The following SCEL variants were observed in gnomAD, a reference collection of about 807,000 sequenced individuals.
The protein encoded by SCEL is sciellin.
In SCEL, 113 loss-of-function variants were observed where a neutral mutation model predicts 117.6. The observed-to-expected ratio is 0.96, with a 90% CI of 0.83 to 1.12. SCEL has a LOEUF of 1.12. Ranked by LOEUF, SCEL falls within the 50% of genes most tolerant of loss-of-function variation. SCEL has a pLI of 0.00. For missense variants in SCEL, 785 were observed against 810.8 expected, an observed-to-expected ratio of 0.97 and a Z score of 0.39; for synonymous variants, 270 against 256.2, an observed-to-expected ratio of 1.05 and a Z score of -0.51.
rs534020787 is a variant in SCEL at position 77,640,303 on chromosome 13, G to A, written c.1839-373G>A. Among the ~76,000 whole-genome samples the A allele has an allele frequency of 3.8e-4, 58 of 152,072 alleles. 1 individual carries two copies. In the East Asian group the frequency reaches 4.4e-3, roughly 12 times the overall value. ...TATTAATCTGCAGCATAATTTTTCC[G>A]TGTAATCTGTAACATGATATATGTA... On this transcript the variant is annotated intron_variant, in intron 30 of 32. Transcript: ENST00000349847.
chr13:77,592,562 CT>C (rs10693960), intron 11 of SCEL, among the ~76,000 whole-genome samples: 16,280 of 133,050 alleles, frequency 0.12, 668 homozygotes, highest in Non-Finnish European at 0.15. Flanking sequence ...CTTCTTCTTC[CT>C]TTTTTTTTTT....
chr13:77,609,971 T>C (rs2088516915), intron 21 of SCEL, 76 bp from the exon 22 acceptor site: 4 of 809,620 alleles, frequency 4.9e-6, no homozygotes, highest in East Asian at 3.1e-5. Context: ...ATAATAAAAG[T>C]ATTTCTCTGT....
intron 27 of SCEL, 48 bp downstream of exon 27, chr13:77,618,108 G>A: frequency 2.1e-6 from 3 of 1,435,180 alleles, no homozygotes; most frequent in Non-Finnish European, 2.9e-6. Flanking sequence ...TCTAGGGTAG[G>A]AACTTCTCCC....
intron 28 of SCEL, among the ~76,000 whole-genome samples, 161 bp downstream of exon 28, chr13:77,628,170 G>GTATATATATATATA (rs67297453): frequency 1.4e-5 from 2 of 139,740 alleles, no homozygotes; most frequent in African/African-American, 5.3e-5. Flanking sequence ...ATATGTGTGT[G>GTATATATATATATA]TATATATATA....
chr13:77,598,429 T>C (rs1296007960), intron 13 of SCEL, among the ~76,000 whole-genome samples: 21 of 152,190 alleles, frequency 1.4e-4, no homozygotes, highest in Non-Finnish European at 1.0e-4. Context: ...AATCTGCTGC[T>C]CTTCAGTTTC....
chr13:77,571,098 G>A (rs1011268279), intron 8 of SCEL, among the ~76,000 whole-genome samples: 3 of 151,310 alleles, frequency 2.0e-5, no homozygotes, highest in African/African-American at 7.3e-5. Flanking sequence ...CCAAAGTGCT[G>A]GGATTACAGG....
chr13:77,568,296 A>G lies in SCEL; in HGVS notation c.361A>G (p.Ser121Gly), dbSNP rs201082386. 27 of 1,562,776 alleles carry G rather than the reference A, an allele frequency of 1.7e-5. No individual in the cohort carries two copies. The highest frequency in any genetic ancestry group is 1.7e-4 in the Middle Eastern group (1 of 5,776). Reference sequence around the variant, plus strand: ...TTTGCTTTCTTTCTCTCTTACCAGGAGCATGTCCATGTTTAGATCACTGGA... The same window carrying G: ...TTTGCTTTCTTTCTCTCTTACCAGGGGCATGTCCATGTTTAGATCACTGGA... ...NTLDNQLTNR[S>G]MSMFRSLEVT... The change falls in exon 7 of 33, where the codon AGC (serine) becomes GGC (glycine). Residue 121 changes from serine (S) to glycine (G), a missense_variant and splice_region_variant. Transcript: ENST00000349847.
intron 9 of SCEL, among the ~76,000 whole-genome samples, chr13:77,588,824 C>T (rs1285598820): frequency 1.3e-5 from 2 of 152,084 alleles, no homozygotes; most frequent in Non-Finnish European, 2.9e-5. Flanking sequence ...GCACTGCTGA[C>T]CTGAAATGCC....
In SCEL at chr13:77,597,564, A is replaced by G; in HGVS notation, c.772A>G (p.Ile258Val). ...CCAAAGTGAAGAATTGGATAATCTC[A>G]TCAAAATGAACAAAAGCTTGAATAG... is the stretch of plus-strand genomic sequence containing the variant. ...SDKGEELDNL[I>V]KMNKSLNRNQ... The change falls in exon 13 of 33, where the codon ATC (isoleucine) becomes GTC (valine). Residue 258 changes from isoleucine to valine, a missense_variant. Transcript: ENST00000349847. The G allele has an allele frequency of 6.7e-7, 1 of 1,486,672 alleles. No homozygotes were observed. Among genetic ancestry groups the G allele is most frequent in the Non-Finnish European group, 9.2e-7 (1 of 1,092,578 alleles). 92.1% of individuals were successfully genotyped at this position (1,486,672 alleles called of 1,614,324 possible). A position where few individuals can be genotyped will look rare whatever the true frequency, so the allele number is the denominator to read the frequency against.
chr13:77,604,390 C>A lies in SCEL; in HGVS notation c.1132C>A (p.Pro378Thr). 1 of 1,575,850 alleles carries A rather than the reference C, an allele frequency of 6.3e-7. No homozygotes were observed. The highest frequency in any genetic ancestry group is 8.5e-7 in the Non-Finnish European group (1 of 1,169,864). ...CCTTGATGGGCTTATTAAAGTGGAT[C>A]CTGAAACAAATAAAAATATTACGAG... is the stretch of plus-strand genomic sequence containing the variant. The part of the protein sequence containing the change: ...KDLDGLIKVD[P>T]ETNKNITRGQ... The change falls in exon 19 of 33, where the codon CCT (proline) becomes ACT (threonine). Residue 378 changes from proline to threonine, a missense_variant. Coordinates refer to ENST00000349847, the MANE Select transcript of SCEL (RefSeq NM_144777.3).
chr13:77,630,394 G>A (rs939207002), intron 28 of SCEL, among the ~76,000 whole-genome samples: 1 of 152,138 alleles, frequency 6.6e-6, no homozygotes, highest in Admixed American at 6.6e-5. Flanking sequence ...ATAATTATAA[G>A]GTGGCCAGAC....
At chr13:77,580,011 T>C (rs1014088924) in intron 9 of SCEL, among the ~76,000 whole-genome samples, 1 of 152,228 alleles carries the variant, frequency 6.6e-6, no homozygotes, top group African/African-American at 2.4e-5. Context: ...AATCCAGTAA[T>C]TCCAAATCTG....
chr13:77,608,951 A>T, intron 20 of SCEL, 107 bp from the exon 21 acceptor site: 1 of 901,136 alleles, frequency 1.1e-6, no homozygotes, highest in Non-Finnish European at 1.7e-6. Context: ...TTTATCTCAA[A>T]ACTCAGTAGT....
At chr13:77,547,022 T>C (rs898055244) in intron 1 of SCEL, among the ~76,000 whole-genome samples, 2 of 152,180 alleles carry the variant, frequency 1.3e-5, no homozygotes, top group African/African-American at 4.8e-5. Flanking sequence ...CACTGCTAGC[T>C]TCAGAGAGCC....
intron 9 of SCEL, among the ~76,000 whole-genome samples, chr13:77,587,969 G>A (rs986471177): frequency 5.9e-5 from 9 of 152,040 alleles, no homozygotes; most frequent in African/African-American, 2.2e-4. Context: ...ACTTCCTGCA[G>A]GTCTTGGTTC....
At chr13:77,576,246 T>C (rs1237098503) in intron 9 of SCEL, among the ~76,000 whole-genome samples, 1 of 152,198 alleles carries the variant, frequency 6.6e-6, no homozygotes, top group East Asian at 1.9e-4. Context: ...CTTGTGACCC[T>C]TCAAAGGGCA....
At chr13:77,559,739 C>A in intron 3 of SCEL, 65 bp from the exon 4 acceptor site, 1 of 1,443,094 alleles carries the variant, frequency 6.9e-7, no homozygotes, top group Non-Finnish European at 9.7e-7. Flanking sequence ...ATGTCTCTCT[C>A]ATTTAGTGCT....
chr13:77,615,388 A>C (rs934691118), intron 24 of SCEL, among the ~76,000 whole-genome samples: 2 of 152,164 alleles, frequency 1.3e-5, no homozygotes, highest in Non-Finnish European at 2.9e-5. Flanking sequence ...CTTGGAAAAT[A>C]GCAAAGGCTG....
chr13:77,581,041 A>G (rs1294603629), intron 9 of SCEL, among the ~76,000 whole-genome samples: 2 of 152,214 alleles, frequency 1.3e-5, no homozygotes, highest in African/African-American at 4.8e-5. Context: ...TTATGCTGCA[A>G]CATTTTTAAC....
Sources: gnomAD v4.1 joint callset for allele counts (sites outside exome capture counted in the v4.1 genomes callset) on GRCh38, gnomAD v4.1.1 for gene constraint, MANE v1.5 for transcripts, NCBI Gene and HGNC (gene_info 2026-07-23, HGNC 2026-07-21) for gene names.